The following TSHZ3 variants were observed in gnomAD, a reference collection of about 807,000 sequenced individuals.
The protein encoded by TSHZ3 is teashirt homolog 3.
Under a neutral mutation model 64.5 loss-of-function variants are expected in TSHZ3, and 10 were observed. That is an observed-to-expected ratio of 0.16 (90% CI 0.10 to 0.26). The LOEUF (loss-of-function observed/expected upper bound fraction) is 0.26. Among genes scored for constraint, TSHZ3 ranks in the 10% least tolerant of loss-of-function variants. The pLI, the probability that TSHZ3 is intolerant of heterozygous loss-of-function variation, is 1.00. For missense variants in TSHZ3, 1,242 were observed against 1,421.7 expected (o/e 0.87, Z 2.03); for synonymous variants, 608 against 593.1 (o/e 1.03, Z -0.36).
chr19:31,266,183 C>G (rs1976051737), intron 1 of TSHZ3, among the ~76,000 whole-genome samples: 1 of 152,186 alleles, frequency 6.6e-6, no homozygotes, highest in South Asian at 2.1e-4. Context: ...TTAAGTGGTG[C>G]TTGCATCCAC....
downstream of TSHZ3, among the ~76,000 whole-genome samples, chr19:31,274,135 G>GTT (rs528894487): frequency 5.4e-5 from 8 of 146,790 alleles, no homozygotes; most frequent in African/African-American, 1.0e-4. Context: ...TAAAATATGT[G>GTT]TTTTTTTTTT....
intron 4 of TSHZ3, among the ~76,000 whole-genome samples, chr19:31,209,515 C>T (rs547822005): frequency 1.3e-5 from 2 of 152,232 alleles, no homozygotes; most frequent in South Asian, 2.1e-4. Context: ...GCAGTTTGTG[C>T]CTGTTGGAGC....
intron 5 of TSHZ3, among the ~76,000 whole-genome samples, chr19:31,160,715 T>C: frequency 6.6e-6 from 1 of 151,900 alleles, no homozygotes; most frequent in East Asian, 1.9e-4. Context: ...TACACACGTA[T>C]ATACACATAC....
At chr19:31,327,914 T>C (rs2145176992) in intron 1 of TSHZ3, among the ~76,000 whole-genome samples, 1 of 152,364 alleles carries the variant, frequency 6.6e-6, no homozygotes, top group Middle Eastern at 3.4e-3. Flanking sequence ...ACATGGACAT[T>C]GTCTCTAGTT....
chr19:31,238,475 T>G lies in TSHZ3; in HGVS notation n.550+3794A>C, dbSNP rs570271980. 2.9e-4 allele frequency among the ~76,000 whole-genome samples: 44 copies of G among 152,176 alleles called. No homozygotes were observed. The South Asian group carries it at 5.8e-3, about 20-fold the overall frequency. On this transcript the variant is annotated intron_variant and non_coding_transcript_variant, in intron 3 of 6. Coordinates refer to the TSHZ3 transcript ENST00000651361. Reference sequence around the variant, plus strand: ...TTCACCATGTTGGCCAGGCTGGTCTTGAACTCCTGACCTCGAGTGATCTGC... The same window carrying G: ...TTCACCATGTTGGCCAGGCTGGTCTGGAACTCCTGACCTCGAGTGATCTGC...
chr19:31,226,628 G>A (rs1435494943), intron 4 of TSHZ3, among the ~76,000 whole-genome samples: 5 of 152,110 alleles, frequency 3.3e-5, no homozygotes, highest in Non-Finnish European at 7.4e-5. Flanking sequence ...CCTGCTAACC[G>A]CTCTAAATCC....
chr19:31,161,914 G>A (rs1974378565), intron 5 of TSHZ3, among the ~76,000 whole-genome samples: 1 of 152,196 alleles, frequency 6.6e-6, no homozygotes, highest in African/African-American at 2.4e-5. Context: ...TTCAAAAACA[G>A]GCGATGGGCC....
In TSHZ3 at chr19:31,278,235, GC is replaced by G; in HGVS notation, c.1557del (p.Asp521IlefsTer10). The G allele has an allele frequency of 6.2e-7, 1 of 1,614,058 alleles. No homozygotes were observed. On this transcript the variant is annotated frameshift_variant, in exon 2 of 2. Transcript: ENST00000240587. LOFTEE classifies it high-confidence loss of function. This position sits in a 1 kb window ranked among gnomAD's most constrained non-coding sequence, Gnocchi z 4.7. ...ENDLEESPKG[G>X]LDILKSLENT... ...TTTTCCAAGGATTTGAGGATATCAA[GC>G]CCCCCCTTGGGACTCTCTTCTAAGT...
intron 5 of TSHZ3, among the ~76,000 whole-genome samples, chr19:31,182,242 A>G (rs568827862): frequency 1.6e-4 from 24 of 152,344 alleles, no homozygotes; most frequent in African/African-American, 5.5e-4. Flanking sequence ...ATCTTCCCAA[A>G]TAAACATTTC....
chr19:31,173,282 G>T (rs1974562616), intron 5 of TSHZ3, among the ~76,000 whole-genome samples: 1 of 152,136 alleles, frequency 6.6e-6, no homozygotes, highest in Non-Finnish European at 1.5e-5. Context: ...AGATACAGAG[G>T]AGACAAGATG....
intron 1 of TSHZ3, among the ~76,000 whole-genome samples, chr19:31,301,316 C>CA (rs1568374305): frequency 2.0e-5 from 3 of 152,146 alleles, no homozygotes. Flanking sequence ...CAGTGAACAG[C>CA]AGCATTGGTT....
At chr19:31,226,118 T>C (rs1440455675) in intron 4 of TSHZ3, among the ~76,000 whole-genome samples, 4 of 147,416 alleles carry the variant, frequency 2.7e-5, no homozygotes, top group African/African-American at 1.0e-4. Context: ...AGAGCAAGAC[T>C]CCATCTTAAA....
intron 5 of TSHZ3, among the ~76,000 whole-genome samples, chr19:31,203,652 G>T (rs1975119937): frequency 6.6e-6 from 1 of 152,064 alleles, no homozygotes; most frequent in Admixed American, 6.6e-5. Flanking sequence ...ACAGCTCTGG[G>T]GAGAAAGCAG....
chr19:31,217,363 G>C (rs1975348279), intron 4 of TSHZ3, among the ~76,000 whole-genome samples: 1 of 152,150 alleles, frequency 6.6e-6, no homozygotes, highest in African/African-American at 2.4e-5. Context: ...GGCAGGGCTG[G>C]TGGATGAAAG....
intron 1 of TSHZ3, among the ~76,000 whole-genome samples, chr19:31,283,821 G>A (rs76799977): frequency 0.015 from 2,301 of 152,304 alleles, 63 homozygotes; most frequent in African/African-American, 0.054. Flanking sequence ...CTGGATAGAA[G>A]GAAGGGCTCT....
intron 4 of TSHZ3, among the ~76,000 whole-genome samples, chr19:31,225,881 C>G (rs1030828145): frequency 6.6e-6 from 1 of 152,140 alleles, no homozygotes; most frequent in African/African-American, 2.4e-5. Context: ...AACCCCAGCA[C>G]TTTGGGAAGC....
At position 31,180,300 on chromosome 19, in the gene TSHZ3, G is replaced by A. The variant is rs527354582; in HGVS notation, n.810-23883C>T. On this transcript the variant is annotated intron_variant and non_coding_transcript_variant, in intron 5 of 6. Transcript: ENST00000651361. ...TGTGACTTCCAGTCCTAGATAGCAA[G>A]GTACGGGCTGTACACCTGCTTTCTA... Among the ~76,000 whole-genome samples the A allele has an allele frequency of 3.3e-5, 5 of 152,282 alleles. No homozygotes were observed. In the East Asian group the frequency reaches 7.7e-4, roughly 24 times the overall value.
At chr19:31,167,335 T>G (rs1212335461) in intron 5 of TSHZ3, among the ~76,000 whole-genome samples, 1 of 152,208 alleles carries the variant, frequency 6.6e-6, no homozygotes, top group Non-Finnish European at 1.5e-5. Flanking sequence ...AATTACCCTT[T>G]GCTTCAAATC....
intron 5 of TSHZ3, among the ~76,000 whole-genome samples, chr19:31,194,110 G>A (rs1449304759): frequency 6.6e-6 from 1 of 152,186 alleles, no homozygotes; most frequent in African/African-American, 2.4e-5. Context: ...ACTTCTGAAG[G>A]AATCAGCGCC....
Sources: gnomAD v4.1 joint callset for allele counts (sites outside exome capture counted in the v4.1 genomes callset) on GRCh38, gnomAD v4.1.1 for gene constraint, Gnocchi (gnomAD v3.1) non-coding constraint, MANE v1.5 for transcripts, NCBI Gene and HGNC (gene_info 2026-07-23, HGNC 2026-07-21) for gene names.